Variants in AATF observed in about 807,000 individuals in gnomAD.
AATF encodes the protein apoptosis antagonizing transcription factor.
In AATF, 48 loss-of-function variants were observed where a neutral mutation model predicts 63.7. The observed-to-expected ratio is 0.75, with a 90% CI of 0.60 to 0.96. The LOEUF is 0.96. Ranked by LOEUF, AATF falls within the 40% of genes least tolerant of loss-of-function variation. The pLI is 0.00. For missense variants in AATF, 639 were observed against 685.7 expected, an observed-to-expected ratio of 0.93 and a Z score of 0.76; for synonymous variants, 258 against 247.7, an observed-to-expected ratio of 1.04 and a Z score of -0.39.
chr17:37,015,007 G>C (rs9892873), intron 8 of AATF, among the ~76,000 whole-genome samples: 1 of 151,942 alleles, frequency 6.6e-6, no homozygotes, highest in African/African-American at 2.4e-5. Flanking sequence ...AGTTTTGGGG[G>C]TTTTTTTCTC....
At position 37,043,660 on chromosome 17, in the gene AATF, A is replaced by G. The variant is rs78240996; in HGVS notation, c.1619+11975A>G. On this transcript the variant is annotated intron_variant, in intron 11 of 11. Coordinates refer to ENST00000619387, the MANE Select transcript of AATF (RefSeq NM_012138.4). ...TTTGGAATAATATATTTTAATTTCAATTGTAGTATTTGCAAAACACTTCAC... is the reference window on the plus strand; with the variant it reads ...TTTGGAATAATATATTTTAATTTCAGTTGTAGTATTTGCAAAACACTTCAC... 9.9e-5 allele frequency among the ~76,000 whole-genome samples: 15 copies of G among 152,284 alleles called. No individual in the cohort carries two copies. The East Asian group carries it at 1.9e-3, about 20-fold the overall frequency.
intron 4 of AATF, among the ~76,000 whole-genome samples, chr17:36,963,044 G>A (rs570786701): frequency 2.0e-5 from 3 of 152,124 alleles, no homozygotes; most frequent in East Asian, 3.9e-4. Flanking sequence ...GCTTGAACCC[G>A]GGAGGTGGAG....
At chr17:37,033,115 A>G (rs894218192) in intron 11 of AATF, among the ~76,000 whole-genome samples, 4 of 152,180 alleles carry the variant, frequency 2.6e-5, no homozygotes, top group African/African-American at 9.6e-5. Context: ...TATTTGGTTT[A>G]TTCAGTACTT....
intron 4 of AATF, among the ~76,000 whole-genome samples, chr17:36,982,479 G>A (rs927266004): frequency 2.0e-5 from 3 of 151,858 alleles, no homozygotes; most frequent in Non-Finnish European, 2.9e-5. Context: ...TCAGCTGCCC[G>A]AGCAGCTGGG....
At chr17:37,048,220 C>T (rs1392171461) in intron 11 of AATF, among the ~76,000 whole-genome samples, 4 of 151,844 alleles carry the variant, frequency 2.6e-5, no homozygotes, top group African/African-American at 4.8e-5. Context: ...ACTTTTTGGC[C>T]GTATTCAGAA....
intron 8 of AATF, among the ~76,000 whole-genome samples, chr17:37,004,122 G>A (rs1260478567): frequency 6.6e-6 from 1 of 151,766 alleles, no homozygotes; most frequent in African/African-American, 2.4e-5. Context: ...TTGAGGTCAG[G>A]AGTTCAAGAC....
intron 8 of AATF, among the ~76,000 whole-genome samples, chr17:36,993,714 T>G (rs1370325148): frequency 6.6e-6 from 1 of 152,190 alleles, no homozygotes; most frequent in Non-Finnish European, 1.5e-5. Context: ...CCCCCTTTTT[T>G]AAAACCATAC....
chr17:36,974,813 A>G (rs1167968987), intron 4 of AATF, among the ~76,000 whole-genome samples: 2 of 152,174 alleles, frequency 1.3e-5, no homozygotes, highest in Admixed American at 6.5e-5. Context: ...AAAATTTTGA[A>G]CTGGTTCTAG....
At chr17:37,046,471 G>A (rs969611096) in intron 11 of AATF, among the ~76,000 whole-genome samples, 1 of 152,110 alleles carries the variant, frequency 6.6e-6, no homozygotes, top group Non-Finnish European at 1.5e-5. Flanking sequence ...GGAAGGGCTT[G>A]CTCCCCAGGC....
intron 8 of AATF, among the ~76,000 whole-genome samples, chr17:37,012,411 G>A (rs1184914885): frequency 2.0e-5 from 3 of 152,180 alleles, no homozygotes. Flanking sequence ...GGTAAGGCAG[G>A]AGGTAGAGCA....
At chr17:36,978,218 A>G (rs527932762) in intron 4 of AATF, among the ~76,000 whole-genome samples, 2 of 152,152 alleles carry the variant, frequency 1.3e-5, no homozygotes, top group Admixed American at 1.3e-4. Context: ...GCATTCCCTT[A>G]TTTCAACTTG....
intron 10 of AATF, among the ~76,000 whole-genome samples, chr17:37,022,113 CGTGTGTGTGTGTGT>C (rs71159679): frequency 1.7e-4 from 25 of 145,434 alleles, no homozygotes; most frequent in Admixed American, 3.4e-4. Flanking sequence ...TGGTAACTGC[CGTGTGTGTGTGTGT>C]GTGTGTGTGT....
intron 4 of AATF, among the ~76,000 whole-genome samples, chr17:36,981,422 C>A (rs949630020): frequency 1.3e-5 from 2 of 151,006 alleles, no homozygotes; most frequent in Non-Finnish European, 3.0e-5. Flanking sequence ...AGACACTTTG[C>A]TCTTCTTGTT....
intron 4 of AATF, among the ~76,000 whole-genome samples, chr17:36,976,516 A>G (rs1031873048): frequency 6.6e-6 from 1 of 152,196 alleles, no homozygotes; most frequent in Non-Finnish European, 1.5e-5. Context: ...AGTACTATAC[A>G]TACAGCTAGT....
rs1415016248 is a variant in AATF at position 37,056,787 on chromosome 17, C to T, written c.*123C>T. ...AAGCCCCTGGAAAGATGCTGCGTTC[C>T]GAACCTGTGCCTAATACACGCAAGG... On this transcript the variant is annotated 3_prime_UTR_variant, in exon 12 of 12. Coordinates refer to ENST00000619387, the MANE Select transcript of AATF (RefSeq NM_012138.4). 8.4e-6 allele frequency: 9 copies of T among 1,067,542 alleles called. No homozygotes were observed. The East Asian group carries it at 1.5e-4, about 18-fold the overall frequency. The allele number at this position is 1,067,542 out of a possible 1,614,324, so 66.1% of individuals were successfully genotyped here.
At chr17:36,979,921 G>A (rs1487385482) in intron 4 of AATF, among the ~76,000 whole-genome samples, 1 of 152,096 alleles carries the variant, frequency 6.6e-6, no homozygotes, top group Non-Finnish European at 1.5e-5. Context: ...GCTTGCATAT[G>A]GGTAGCATAT....
chr17:36,953,135 G>A lies in AATF; in HGVS notation c.533G>A (p.Ser178Asn), dbSNP rs202139717. The A allele has an allele frequency of 1.8e-4, 296 of 1,614,064 alleles. No individual in the cohort carries two copies. Among genetic ancestry groups the A allele is most frequent in the Non-Finnish European group, 2.2e-4 (261 of 1,180,036 alleles). The change falls in exon 3 of 12, where the codon AGT becomes AAT. Residue 178 changes from serine (S) to asparagine (N), a missense_variant. By Grantham distance (46) the Ser-to-Asn change is conservative. Transcript: ENST00000619387. ...GSSEEEEDEE[S>N]GMEEGDDAED... ...AGTGAGGAGGAGGAAGACGAAGAGA[G>A]TGGCATGGAAGAAGGGGATGACGCG...
At chr17:37,035,950 G>T (rs191942482) in intron 11 of AATF, among the ~76,000 whole-genome samples, 1 of 151,856 alleles carries the variant, frequency 6.6e-6, no homozygotes, top group African/African-American at 2.4e-5. Context: ...TTGAGACAGG[G>T]TCTCACTGTA....
intron 8 of AATF, among the ~76,000 whole-genome samples, chr17:37,010,790 A>AT (rs1264527135): frequency 6.6e-6 from 1 of 152,202 alleles, no homozygotes; most frequent in Non-Finnish European, 1.5e-5. Flanking sequence ...CGCAGTGCAT[A>AT]TGCAGAAGCA....
Sources: gnomAD v4.1 joint callset for allele counts (sites outside exome capture counted in the v4.1 genomes callset) on GRCh38, gnomAD v4.1.1 for gene constraint, MANE v1.5 for transcripts, NCBI Gene and HGNC (gene_info 2026-07-23, HGNC 2026-07-21) for gene names.